Variants in SHISA6 observed in about 807,000 individuals in gnomAD.
SHISA6 encodes the protein protein shisa-6.
Under a neutral mutation model 47.9 loss-of-function variants are expected in SHISA6, and 22 were observed. The ratio of observed to expected loss-of-function variants is 0.46; its 90% confidence interval spans 0.33 to 0.66. SHISA6 has a LOEUF of 0.66. Ranked by LOEUF, SHISA6 falls within the 30% of genes least tolerant of loss-of-function variation. The pLI, the probability that SHISA6 is intolerant of heterozygous loss-of-function variation, is 0.02. For missense variants in SHISA6, 680 were observed against 764.6 expected, an observed-to-expected ratio of 0.89 and a Z score of 1.30; for synonymous variants, 388 against 337.8, an observed-to-expected ratio of 1.15 and a Z score of -1.63.
chr17:11,435,001 G>A (rs777185613), intron 3 of SHISA6, among the ~76,000 whole-genome samples: 28 of 152,094 alleles, frequency 1.8e-4, no homozygotes, highest in African/African-American at 2.4e-5. Flanking sequence ...ATAGTATTAA[G>A]AGATGAGACC....
At chr17:11,265,717 CT>C (rs1174964222) in intron 2 of SHISA6, among the ~76,000 whole-genome samples, 1 of 152,174 alleles carries the variant, frequency 6.6e-6, no homozygotes, top group Non-Finnish European at 1.5e-5. Flanking sequence ...TTATCTTCCC[CT>C]CTCTCTGTTC....
chr17:11,382,928 CTTTTTTTTTT>C (rs10601084), intron 3 of SHISA6, among the ~76,000 whole-genome samples: 2 of 70,776 alleles, frequency 2.8e-5, no homozygotes, highest in Non-Finnish European at 5.2e-5. Context: ...TCCTGTCAGC[CTTTTTTTTTT>C]TTTTTTTTTT....
chr17:11,286,083 C>T (rs1418728203), intron 2 of SHISA6, among the ~76,000 whole-genome samples: 3 of 151,918 alleles, frequency 2.0e-5, no homozygotes, highest in Non-Finnish European at 2.9e-5. Context: ...TAGGTGAGAC[C>T]CCCGTGTAGG....
chr17:11,524,503 C>CT (rs548959000), intron 3 of SHISA6, among the ~76,000 whole-genome samples: 5,414 of 140,814 alleles, frequency 0.038, 288 homozygotes, highest in African/African-American at 0.12. Context: ...TTTCTTTTTT[C>CT]TTTTTTTTTT....
intron 2 of SHISA6, among the ~76,000 whole-genome samples, chr17:11,317,473 G>A (rs369173581): frequency 6.7e-6 from 1 of 149,652 alleles, no homozygotes; most frequent in African/African-American, 2.4e-5. Flanking sequence ...CTGCTTTTCT[G>A]TATCATTTTG....
chr17:11,473,803 C>T (rs1386506341), intron 3 of SHISA6, among the ~76,000 whole-genome samples: 1 of 151,936 alleles, frequency 6.6e-6, no homozygotes, highest in Middle Eastern at 3.2e-3. Flanking sequence ...AGGTTTGTTA[C>T]ATAGGTATAC....
At chr17:11,367,763 C>G (rs1028353789) in intron 2 of SHISA6, among the ~76,000 whole-genome samples, 3 of 152,160 alleles carry the variant, frequency 2.0e-5, no homozygotes, top group African/African-American at 7.2e-5. Context: ...CATGCCAACA[C>G]AACTGGATAA....
At chr17:11,326,713 CTG>C (rs1237416322) in intron 2 of SHISA6, among the ~76,000 whole-genome samples, 1 of 152,228 alleles carries the variant, frequency 6.6e-6, no homozygotes, top group Non-Finnish European at 1.5e-5. Flanking sequence ...ATCCAGACCT[CTG>C]TGTGAAATCC....
At chr17:11,278,690 C>T (rs1909016379) in intron 2 of SHISA6, among the ~76,000 whole-genome samples, 2 of 152,208 alleles carry the variant, frequency 1.3e-5, no homozygotes. Context: ...TGGGCGAAGG[C>T]CACATTTATC....
intron 3 of SHISA6, among the ~76,000 whole-genome samples, chr17:11,535,119 C>T (rs1316335833): frequency 6.6e-6 from 1 of 151,866 alleles, no homozygotes; most frequent in African/African-American, 2.4e-5. Flanking sequence ...GGCAACAAAG[C>T]GAGACTCCAT....
At chr17:11,549,974 C>T (rs909530792) in intron 3 of SHISA6, among the ~76,000 whole-genome samples, 6 of 152,186 alleles carry the variant, frequency 3.9e-5, no homozygotes, top group African/African-American at 1.4e-4. Context: ...TCAACCTAAT[C>T]TGTCTTGCGA....
At chr17:11,245,483 G>A (rs961545347) in intron 1 of SHISA6, among the ~76,000 whole-genome samples, 1 of 152,228 alleles carries the variant, frequency 6.6e-6, no homozygotes, top group African/African-American at 2.4e-5. Flanking sequence ...CCGCCTGGGA[G>A]CCTGGGTCCT....
At chr17:11,373,822 C>A (rs764966256) in intron 2 of SHISA6, among the ~76,000 whole-genome samples, 1 of 152,190 alleles carries the variant, frequency 6.6e-6, no homozygotes, top group African/African-American at 2.4e-5. Flanking sequence ...AAGATAGATT[C>A]TTTTCCCTAA....
At chr17:11,270,868 T>G (rs964019365) in intron 2 of SHISA6, among the ~76,000 whole-genome samples, 12 of 152,188 alleles carry the variant, frequency 7.9e-5, no homozygotes, top group African/African-American at 2.7e-4. Context: ...CACAGAGCTG[T>G]GAGCCCAGGA....
intron 3 of SHISA6, among the ~76,000 whole-genome samples, chr17:11,425,435 G>T (rs1265259684): frequency 6.6e-6 from 1 of 152,056 alleles, no homozygotes; most frequent in African/African-American, 2.4e-5. Flanking sequence ...AGTTAATAGG[G>T]TTGGCAGTAG....
intron 3 of SHISA6, among the ~76,000 whole-genome samples, chr17:11,528,729 C>G (rs2071707788): frequency 6.6e-6 from 1 of 152,188 alleles, no homozygotes. Flanking sequence ...CAGATGGTGT[C>G]CAAGACCCAA....
chr17:11,317,788 T>C (rs1367479546), intron 2 of SHISA6, among the ~76,000 whole-genome samples: 1 of 151,884 alleles, frequency 6.6e-6, no homozygotes, highest in Non-Finnish European at 1.5e-5. Context: ...GCAAATTCTA[T>C]GAGTGTTTAT....
At chr17:11,436,819 G>A (rs1037260550) in intron 3 of SHISA6, among the ~76,000 whole-genome samples, 4 of 152,210 alleles carry the variant, frequency 2.6e-5, no homozygotes, top group Non-Finnish European at 4.4e-5. Context: ...GAGCCTAATA[G>A]AGTGGTAAAA....
rs1050642070 is a variant in SHISA6, at chr17:11,272,807, C to T, written c.799+9281C>T. 3.9e-5 allele frequency among the ~76,000 whole-genome samples: 6 copies of T among 152,114 alleles called. No individual in the cohort carries two copies. In the East Asian group the frequency reaches 7.7e-4, roughly 20 times the overall value. ...AACAGTAGGTCATATGGCAGAGTCA[C>T]GAAGGTTTAGGATGAAAGAACAGAG... On this transcript the variant is annotated intron_variant, in intron 2 of 5. Transcript: ENST00000441885.
Sources: gnomAD v4.1 joint callset for allele counts (sites outside exome capture counted in the v4.1 genomes callset) on GRCh38, gnomAD v4.1.1 for gene constraint, MANE v1.5 for transcripts, NCBI Gene and HGNC (gene_info 2026-07-23, HGNC 2026-07-21) for gene names.